The following OR5B3 variants were observed in gnomAD, a reference collection of about 807,000 sequenced individuals.
OR5B3 encodes olfactory receptor 5B3.
For missense variants in OR5B3, 430 were observed against 375.4 expected (o/e 1.15, Z -1.20); for synonymous variants, 150 against 135.0 (o/e 1.11, Z -0.77).
Position 58,402,554 on chromosome 11 carries a change from G to T in OR5B3, c.856C>A (p.Leu286Met), listed in dbSNP as rs1461842755. The change falls in exon 2 of 2, where the codon CTG (leucine) becomes ATG (methionine). Residue 286 changes from leucine (L) to methionine (M), a missense_variant. Coordinates refer to ENST00000641865, the MANE Select transcript of OR5B3 (RefSeq NM_001005469.2). Reference sequence around the variant, plus strand: ...TCCTTGTTCCTCAGACTATAGACCAGAGGGTTCAGCATGGGGATGACCATT... The same window carrying T: ...TCCTTGTTCCTCAGACTATAGACCATAGGGTTCAGCATGGGGATGACCATT... The part of the protein sequence containing the change: ...YTMVIPMLNP[L>M]VYSLRNKEVK... 1 of 1,613,324 alleles carries T rather than the reference G, an allele frequency of 6.2e-7. No homozygotes were observed.
chr11:58,405,084 T>C (rs938491099), intron 1 of OR5B3, among the ~76,000 whole-genome samples: 2 of 152,166 alleles, frequency 1.3e-5, no homozygotes, highest in African/African-American at 4.8e-5. Flanking sequence ...GTGTCTATTG[T>C]TCCCATATTT....
At chr11:58,405,929 T>C (rs750553803) in intron 1 of OR5B3, among the ~76,000 whole-genome samples, 1 of 151,998 alleles carries the variant, frequency 6.6e-6, no homozygotes, top group Non-Finnish European at 1.5e-5. Flanking sequence ...AAGAATGAAA[T>C]CAGGAATAAT....
rs200799158 is a variant in OR5B3, at chr11:58,403,319, AG to A, written c.90del (p.Phe31SerfsTer16). Reference sequence around the variant, plus strand: ...CCAACCAGAGTGATAATATAGATGAAGGGGAACGTTATAAAGAGGGGAACCT... The same window carrying A: ...CCAACCAGAGTGATAATATAGATGAAGGGAACGTTATAAAGAGGGGAACCT... ...ELQVPLFITF[P>X]FIYIITLVGN... is the part of the protein sequence containing the mutation. On this transcript the variant is annotated frameshift_variant, in exon 2 of 2. Coordinates refer to ENST00000641865, the MANE Select transcript of OR5B3 (RefSeq NM_001005469.2). LOFTEE classifies it low-confidence loss of function (END_TRUNC). The A allele has an allele frequency of 0.039, 62,619 of 1,612,600 alleles. 1,397 individuals are homozygous for A. Among genetic ancestry groups the A allele is most frequent in the Non-Finnish European group, 0.044 (51,712 of 1,178,710 alleles).
At position 58,403,217 on chromosome 11, in the gene OR5B3, A is replaced by G. The variant is rs2119890472; in HGVS notation, c.193T>C (p.Ser65Pro). The G allele has an allele frequency of 2.5e-6, 4 of 1,613,948 alleles. No homozygotes were observed. The highest frequency in any genetic ancestry group is 8.5e-7 in the Non-Finnish European group (1 of 1,179,898). ...GAAGAGTAGCAAAAGTCCACTAGAG[A>G]CAAGTTACTGAGAAAAAAGTACATG... ...NPMYFFLSNL[S>P]LVDFCYSSAV... The change falls in exon 2 of 2, where the codon TCT becomes CCT. Residue 65 changes from serine to proline, a missense_variant. Coordinates refer to ENST00000641865, the MANE Select transcript of OR5B3 (RefSeq NM_001005469.2).
At position 58,403,448 on chromosome 11, in the gene OR5B3, C is replaced by A. The variant is rs1448410350; in HGVS notation, c.-26-13G>T. On this transcript the variant is annotated splice_polypyrimidine_tract_variant and intron_variant, in intron 1 of 1. Coordinates refer to ENST00000641865, the MANE Select transcript of OR5B3 (RefSeq NM_001005469.2). ...GACTCACAGGATGCTTGTAGCAATA[C>A]AAAAAAGAACAGTGTGATAAATAAA... The A allele has an allele frequency of 1.9e-6, 2 of 1,077,460 alleles. No homozygotes were observed. Among genetic ancestry groups the A allele is most frequent in the South Asian group, 1.6e-5 (1 of 61,524 alleles). 66.7% of individuals were successfully genotyped at this position (1,077,460 alleles called of 1,614,324 possible). A position where few individuals can be genotyped will look rare whatever the true frequency, so the allele number is the denominator to read the frequency against.
chr11:58,403,410 C>T lies in OR5B3; in HGVS notation c.-1G>A, dbSNP rs144578972. Reference sequence around the variant, plus strand: ...GTGTTACTTCTGTCTTATTTTCCATCACTGCTCTGGGGGACTCACAGGATG... The same window carrying T: ...GTGTTACTTCTGTCTTATTTTCCATTACTGCTCTGGGGGACTCACAGGATG... On this transcript the variant is annotated 5_prime_UTR_variant, in exon 2 of 2. Transcript: ENST00000641865. 3 of 1,536,764 alleles carry T rather than the reference C, an allele frequency of 2.0e-6. No homozygotes were observed. Among genetic ancestry groups the T allele is most frequent in the African/African-American group, 1.4e-5 (1 of 72,810 alleles).
Position 58,403,011 on chromosome 11 carries a change from G to T in OR5B3, c.399C>A (p.Thr133=). ...AVCKPLHYTT[T]MTTTVCARLA... ...GACGAGCACACACAGTTGTTGTCATGGTTGTGGTGTAATGTAGGGGTTTGC... is the reference window on the plus strand; with the variant it reads ...GACGAGCACACACAGTTGTTGTCATTGTTGTGGTGTAATGTAGGGGTTTGC... Residue 133 remains threonine (T), a synonymous_variant, in exon 2 of 2, where the codon ACC becomes ACA. Coordinates refer to ENST00000641865, the MANE Select transcript of OR5B3 (RefSeq NM_001005469.2). The T allele has an allele frequency of 6.2e-7, 1 of 1,614,076 alleles. No homozygotes were observed. The highest frequency in any genetic ancestry group is 8.5e-7 in the Non-Finnish European group (1 of 1,179,978).
At position 58,406,051 on chromosome 11, in the gene OR5B3, C is replaced by T. The variant is rs1447080301; in HGVS notation, c.-27+750G>A. 2.6e-5 allele frequency among the ~76,000 whole-genome samples: 4 copies of T among 152,128 alleles called. No homozygotes were observed. In the South Asian group the frequency reaches 8.3e-4, roughly 31 times the overall value. On this transcript the variant is annotated intron_variant, in intron 1 of 1. Coordinates refer to ENST00000641865, the MANE Select transcript of OR5B3 (RefSeq NM_001005469.2). Reference sequence around the variant, plus strand: ...CACTTGGCAACTTCACTTCCCAAGCCTGACCTATGAAGGTGTTATGTTGCT... The same window carrying T: ...CACTTGGCAACTTCACTTCCCAAGCTTGACCTATGAAGGTGTTATGTTGCT...
In OR5B3 at chr11:58,403,046, C is replaced by G. The variant is rs1043966788; in HGVS notation, c.364G>C (p.Ala122Pro). 1 of 1,614,074 alleles carries G rather than the reference C, an allele frequency of 6.2e-7. No individual in the cohort carries two copies. Among genetic ancestry groups the G allele is most frequent in the Non-Finnish European group, 8.5e-7 (1 of 1,179,954 alleles). ...TAATGTAGGGGTTTGCACACTGCTGCATAGCGGTCATAGGCCATTGAGGCC... is the reference window on the plus strand; with the variant it reads ...TAATGTAGGGGTTTGCACACTGCTGGATAGCGGTCATAGGCCATTGAGGCC... ...LLASMAYDRY[A>P]AVCKPLHYTT... Residue 122 changes from alanine (A) to proline (P), a missense_variant, in exon 2 of 2, where the codon GCA (alanine) becomes CCA (proline). Physicochemically the swap from Ala to Pro is conservative, Grantham distance 27. Coordinates refer to ENST00000641865, the MANE Select transcript of OR5B3 (RefSeq NM_001005469.2).
At chr11:58,406,497 T>G (rs975057702) in intron 1 of OR5B3, among the ~76,000 whole-genome samples, 1 of 147,280 alleles carries the variant, frequency 6.8e-6, no homozygotes, top group African/African-American at 2.5e-5. Flanking sequence ...TTGTTTTTGG[T>G]TTTTTTTTTT....
Position 58,403,297 on chromosome 11 carries a change from A to G in OR5B3, c.113T>C (p.Val38Ala), listed in dbSNP as rs1350405943. Residue 38 changes from valine to alanine, a missense_variant, in exon 2 of 2, where the codon GTT becomes GCT. By Grantham distance (64) the Val-to-Ala change is moderately conservative. Transcript: ENST00000641865. Reference sequence around the variant, plus strand: ...CAATACAATAATTCCCAGGTTTCCAACCAGAGTGATAATATAGATGAAGGG... The same window carrying G: ...CAATACAATAATTCCCAGGTTTCCAGCCAGAGTGATAATATAGATGAAGGG... ...TFPFIYIITLVGNLGIIVLIF... is the reference protein window; with the variant it reads ...TFPFIYIITLAGNLGIIVLIF... The G allele has an allele frequency of 6.8e-6, 11 of 1,613,184 alleles. No individual in the cohort carries two copies. The highest frequency in any genetic ancestry group is 8.5e-6 in the Non-Finnish European group (10 of 1,179,328).
At position 58,403,104 on chromosome 11, in the gene OR5B3, A is replaced by G. The variant is rs751467039; in HGVS notation, c.306T>C (p.Phe102=). ...AATTTTCCACAGTGGCAAAAGCTACAAAGATATACATTTGAGCAGCACATG... is the reference window on the plus strand; with the variant it reads ...AATTTTCCACAGTGGCAAAAGCTACGAAGATATACATTTGAGCAGCACATG... The part of the protein sequence containing the change: ...YNACAAQMYI[F]VAFATVENYL... The change falls in exon 2 of 2, where the codon TTT becomes TTC. Residue 102 remains phenylalanine (F), a synonymous_variant. Coordinates refer to ENST00000641865, the MANE Select transcript of OR5B3 (RefSeq NM_001005469.2). 13 of 1,614,056 alleles carry G rather than the reference A, an allele frequency of 8.1e-6. No homozygotes were observed. Among genetic ancestry groups the G allele is most frequent in the South Asian group, 3.3e-5 (3 of 91,094 alleles).
intron 1 of OR5B3, among the ~76,000 whole-genome samples, chr11:58,405,517 T>G (rs969819726): frequency 2.0e-5 from 3 of 152,172 alleles, no homozygotes; most frequent in African/African-American, 7.2e-5. Flanking sequence ...AAATACTGCA[T>G]GCTCTCACTT....
In OR5B3 at chr11:58,402,669, G is replaced by A; in HGVS notation, c.741C>T (p.Gly247=). 1 of 1,613,906 alleles carries A rather than the reference G, an allele frequency of 6.2e-7. No individual in the cohort carries two copies. Residue 247 remains glycine (G), a synonymous_variant, in exon 2 of 2, where the codon GGC becomes GGT. Coordinates refer to ENST00000641865, the MANE Select transcript of OR5B3 (RefSeq NM_001005469.2). ...STCASHFIAV[G]IFYGTIIFMY... ...TGAAGATAATAGTCCCATAGAAGAT[G>A]CCGACTGCAATGAAATGAGAGGCAC...
chr11:58,402,859 A>G lies in OR5B3; in HGVS notation c.551T>C (p.Val184Ala). Reference sequence around the variant, plus strand: ...AATATGTCTATCAGAGCAAGAGAGAACCATGACTGCTGGAATATCACAGAA... The same window carrying G: ...AATATGTCTATCAGAGCAAGAGAGAGCCATGACTGCTGGAATATCACAGAA... ...HFFCDIPAVM[V>A]LSCSDRHISE... Residue 184 changes from valine (V) to alanine (A), a missense_variant, in exon 2 of 2, where the codon GTT becomes GCT. Transcript: ENST00000641865. 1 of 1,613,992 alleles carries G rather than the reference A, an allele frequency of 6.2e-7. No homozygotes were observed. Among genetic ancestry groups the G allele is most frequent in the Non-Finnish European group, 8.5e-7 (1 of 1,179,888 alleles).
At position 58,405,313 on chromosome 11, in the gene OR5B3, A is replaced by C. The variant is rs1212961228; in HGVS notation, c.-27+1488T>G. Among the ~76,000 whole-genome samples, 74 of 152,260 alleles carry C rather than the reference A, an allele frequency of 4.9e-4. 1 individual carries two copies. Among genetic ancestry groups the C allele is most frequent in the Non-Finnish European group, 5.9e-5 (4 of 68,014 alleles). The stretch of plus-strand genomic sequence containing the variant: ...GTATATACTCAAAAGGTAATAAGTC[A>C]TTTTACTAAAAAGACAAATACATAT... On this transcript the variant is annotated intron_variant, in intron 1 of 1. Coordinates refer to ENST00000641865, the MANE Select transcript of OR5B3 (RefSeq NM_001005469.2).
chr11:58,406,495 G>GT lies in OR5B3; in HGVS notation c.-27+305_-27+306insA, dbSNP rs763475662. Among the ~76,000 whole-genome samples the GT allele has an allele frequency of 4.7e-3, 687 of 147,018 alleles. 3 individuals carry two copies. Among genetic ancestry groups the GT allele is most frequent in the Non-Finnish European group, 6.7e-3 (447 of 66,544 alleles). ...ATTTCACTTGTTTTTGTTTGTTTTTGGTTTTTTTTTTTACCACTCATGAGA... is the reference window on the plus strand; with the variant it reads ...ATTTCACTTGTTTTTGTTTGTTTTTGTGTTTTTTTTTTTACCACTCATGAGA... On this transcript the variant is annotated intron_variant, in intron 1 of 1. Transcript: ENST00000641865.
At position 58,402,567 on chromosome 11, in the gene OR5B3, G is replaced by A. The variant is rs1161956998; in HGVS notation, c.843C>T (p.Pro281=). ...MAPVFYTMVI[P]MLNPLVYSLR... is the part of the protein sequence containing the mutation. ...GACTATAGACCAGAGGGTTCAGCATGGGGATGACCATTGTATAGAACACAG... is the reference window on the plus strand; with the variant it reads ...GACTATAGACCAGAGGGTTCAGCATAGGGATGACCATTGTATAGAACACAG... The change falls in exon 2 of 2, where the codon CCC becomes CCT. Residue 281 remains proline (P), a synonymous_variant. Transcript: ENST00000641865. 2 of 1,613,258 alleles carry A rather than the reference G, an allele frequency of 1.2e-6. No homozygotes were observed. Among genetic ancestry groups the A allele is most frequent in the Admixed American group, 1.7e-5 (1 of 59,956 alleles).
chr11:58,406,839 G>A lies in OR5B3; in HGVS notation c.-65C>T, dbSNP rs1855107542. On this transcript the variant is annotated 5_prime_UTR_variant, in exon 1 of 2. Transcript: ENST00000641865. ...GAGCAGAAACAGTCAATACAGAATA[G>A]TTGTTCTGCAATCAGAAAATCAGCC... 1.3e-5 allele frequency: 2 copies of A among 152,096 alleles called. No homozygotes were observed. Among genetic ancestry groups the A allele is most frequent in the Non-Finnish European group, 2.9e-5 (2 of 68,016 alleles). The allele number at this position is 152,096 out of a possible 1,614,324, so 9.4% of individuals were successfully genotyped here.
Sources: allele counts gnomAD v4.1 joint callset (sites outside exome capture counted in the v4.1 genomes callset), GRCh38; gene constraint gnomAD v4.1.1; transcripts MANE v1.5; gene names NCBI Gene and HGNC (gene_info 2026-07-23, HGNC 2026-07-21).